The following CDNF variants were observed in gnomAD, a reference collection of about 807,000 sequenced individuals.
CDNF encodes ARMET-like protein 1.
In CDNF, 9 loss-of-function variants were observed where a neutral mutation model predicts 14.8. That is an observed-to-expected ratio of 0.61 (90% CI 0.37 to 1.06). The LOEUF is 1.06. Among genes scored for constraint, CDNF ranks in the 50% least tolerant of loss-of-function variants. The pLI is 0.01. For synonymous variants in CDNF, 86 were observed against 87.2 expected, an observed-to-expected ratio of 0.99 and a Z score of 0.07; for missense variants, 228 against 228.4, an observed-to-expected ratio of 1.00 and a Z score of 0.01.
intron 1 of CDNF, among the ~76,000 whole-genome samples, chr10:14,833,886 G>A (rs933201459): frequency 3.3e-5 from 5 of 152,140 alleles, no homozygotes; most frequent in Admixed American, 2.6e-4. Context: ...TATTCCAAAA[G>A]GCAAGTGAAC....
chr10:14,825,372 G>C (rs527777650), intron 3 of CDNF, 107 bp downstream of exon 3: 127 of 1,115,978 alleles, frequency 1.1e-4, no homozygotes, highest in Middle Eastern at 1.0e-3. Flanking sequence ...TTGATGAGTG[G>C]TGAATTTCTT....
At chr10:14,820,202 A>G (rs1833726594) in intron 3 of CDNF, 44 bp from the exon 4 acceptor site, 5 of 1,589,432 alleles carry the variant, frequency 3.1e-6, no homozygotes, top group Non-Finnish European at 3.4e-6. Context: ...AATAAATGGA[A>G]AAAAAATCCC....
At chr10:14,837,792 G>T (rs1007049232) in intron 1 of CDNF, 40 bp downstream of exon 1, 3 of 1,292,062 alleles carry the variant, frequency 2.3e-6, no homozygotes, top group Non-Finnish European at 3.2e-6. Flanking sequence ...GCGCCGCAGC[G>T]CGGGGCCGCC....
chr10:14,829,242 A>G (rs1158963581), intron 1 of CDNF, among the ~76,000 whole-genome samples: 1 of 152,238 alleles, frequency 6.6e-6, no homozygotes, highest in African/African-American at 2.4e-5. Flanking sequence ...AAGCACAGAG[A>G]AAAACCTGAA....
chr10:14,823,758 C>T (rs903066725), intron 3 of CDNF, among the ~76,000 whole-genome samples: 6 of 152,208 alleles, frequency 3.9e-5, no homozygotes, highest in African/African-American at 1.2e-4. Flanking sequence ...AACTCCTGGG[C>T]TCAAATGATC....
intron 3 of CDNF, among the ~76,000 whole-genome samples, chr10:14,822,046 C>A (rs1833742598): frequency 6.6e-6 from 1 of 152,162 alleles, no homozygotes; most frequent in South Asian, 2.1e-4. Flanking sequence ...TCTCGCTGAA[C>A]CTTAATTGTT....
At chr10:14,836,269 C>T (rs1393002353) in intron 1 of CDNF, 1 of 152,178 alleles carries the variant, frequency 6.6e-6, no homozygotes, top group Non-Finnish European at 1.5e-5. Context: ...TATGTCCTTC[C>T]TCTGCGATTA....
intron 1 of CDNF, 103 bp downstream of exon 1, chr10:14,837,729 G>A (rs1833905292): frequency 1.5e-6 from 1 of 662,576 alleles, no homozygotes; most frequent in South Asian, 1.9e-5. Context: ...GCATTTCCTG[G>A]GCGGAATGTT....
At chr10:14,836,537 A>T (rs1833888601) in intron 1 of CDNF, among the ~76,000 whole-genome samples, 1 of 152,270 alleles carries the variant, frequency 6.6e-6, no homozygotes, top group African/African-American at 2.4e-5. Flanking sequence ...TAACTTAGCT[A>T]AACAAATATC....
At position 14,837,990 on chromosome 10, in the gene CDNF, G is replaced by GC. The variant is rs1429753946; in HGVS notation, c.-45dup. On this transcript the variant is annotated 5_prime_UTR_variant, in exon 1 of 4. Coordinates refer to ENST00000465530, the MANE Select transcript of CDNF (RefSeq NM_001029954.3). ...ATCGCCTCCGCCACCCGCGCCCACC[G>GC]CCCACCAAGCTGCCAAAGCGAGCTG... 2 of 1,421,410 alleles carry GC rather than the reference G, an allele frequency of 1.4e-6. No homozygotes were observed. Among genetic ancestry groups the GC allele is most frequent in the African/African-American group, 2.8e-5 (2 of 71,156 alleles). The allele number at this position is 1,421,410 out of a possible 1,614,324, so 88.0% of individuals were successfully genotyped here.
chr10:14,835,189 T>C (rs981942381), intron 1 of CDNF, among the ~76,000 whole-genome samples: 2 of 152,170 alleles, frequency 1.3e-5, no homozygotes, highest in African/African-American at 4.8e-5. Flanking sequence ...GGATGCAAGG[T>C]CTGAGACTCT....
At chr10:14,826,095 A>AAGAAGCAGCAGC (rs1426555042) in intron 2 of CDNF, among the ~76,000 whole-genome samples, 1 of 87,542 alleles carries the variant, frequency 1.1e-5, no homozygotes, top group Non-Finnish European at 2.3e-5. Flanking sequence ...GAAGAAGAAG[A>AAGAAGCAGCAGC]AGCAGCAGCA....
intron 1 of CDNF, among the ~76,000 whole-genome samples, chr10:14,832,852 C>CTTTTTTTTTTTTTTTTT (rs918887413): frequency 2.5e-5 from 2 of 80,496 alleles, no homozygotes; most frequent in Non-Finnish European, 4.7e-5. Flanking sequence ...TCTTTTTTTG[C>CTTTTTTTTTTTTTTTTT]TTTTTTTTTT....
intron 2 of CDNF, among the ~76,000 whole-genome samples, chr10:14,826,144 AG>A (rs1295650728): frequency 6.7e-6 from 1 of 149,854 alleles, no homozygotes; most frequent in Non-Finnish European, 1.5e-5. Flanking sequence ...AAGGAGAAGG[AG>A]AAGGAGAAGA....
intron 3 of CDNF, among the ~76,000 whole-genome samples, chr10:14,822,092 C>G (rs1833742768): frequency 6.6e-6 from 1 of 152,222 alleles, no homozygotes; most frequent in South Asian, 2.1e-4. Context: ...TGATGCCCAG[C>G]CCCTACTGGG....
intron 1 of CDNF, 32 bp from the exon 2 acceptor site, chr10:14,828,304 A>G (rs1833815901): frequency 1.2e-6 from 2 of 1,609,716 alleles, no homozygotes; most frequent in Non-Finnish European, 1.7e-6. Flanking sequence ...GTCTGCATGC[A>G]CAACTTAACC....
chr10:14,837,317 CCT>C (rs1833900565), intron 1 of CDNF, among the ~76,000 whole-genome samples: 2 of 152,198 alleles, frequency 1.3e-5, no homozygotes, highest in Non-Finnish European at 2.9e-5. Flanking sequence ...CTTTTGTATT[CCT>C]CTCTTTCCCA....
At chr10:14,826,504 A>AAAAGAAGCAGC (rs1564313904) in intron 2 of CDNF, among the ~76,000 whole-genome samples, 3 of 149,220 alleles carry the variant, frequency 2.0e-5, no homozygotes, top group Admixed American at 6.7e-5. Flanking sequence ...GAAGAAGAAA[A>AAAAGAAGCAGC]AGAAGCAGCA....
chr10:14,825,478 C>A lies in CDNF; in HGVS notation c.385+1G>T. ...GGGAAAAACACGGGGCTGTGTTATA[C>A]CATATTTCAGCTCACAGATCTGGCT... On this transcript the variant is annotated splice_donor_variant, in intron 3 of 3. Coordinates refer to ENST00000465530, the MANE Select transcript of CDNF (RefSeq NM_001029954.3). LOFTEE classifies it high-confidence loss of function. The A allele has an allele frequency of 6.2e-7, 1 of 1,613,808 alleles. No homozygotes were observed. Among genetic ancestry groups the A allele is most frequent in the South Asian group, 1.1e-5 (1 of 91,056 alleles).
Sources: gnomAD v4.1 joint callset for allele counts (sites outside exome capture counted in the v4.1 genomes callset) on GRCh38, gnomAD v4.1.1 for gene constraint, MANE v1.5 for transcripts, NCBI Gene and HGNC (gene_info 2026-07-23, HGNC 2026-07-21) for gene names.